TRIM33: variants seen among roughly 807,000 people sequenced by gnomAD.
TRIM33 encodes E3 ubiquitin-protein ligase TRIM33.
TRIM33 carries 20 observed loss-of-function variants against 125.4 expected under a neutral mutation model. The ratio of observed to expected loss-of-function variants is 0.16; its 90% CI spans 0.11 to 0.23. The LOEUF is 0.23. Ranked by LOEUF, TRIM33 falls within the 10% of genes least tolerant of loss-of-function variation. The pLI is 1.00. For synonymous variants in TRIM33, 564 were observed against 513.9 expected (o/e 1.10, Z -1.32); for missense variants, 920 against 1,411.4 (o/e 0.65, Z 5.58).
intron 9 of TRIM33, among the ~76,000 whole-genome samples, chr1:114,424,966 CTT>C (rs1443525791): frequency 4.3e-5 from 6 of 139,134 alleles, no homozygotes; most frequent in East Asian, 1.9e-4. Flanking sequence ...CTCTCTCTCT[CTT>C]ACCTGTTCCC....
intron 1 of TRIM33, among the ~76,000 whole-genome samples, chr1:114,497,256 C>T (rs999388712): frequency 6.6e-6 from 1 of 152,176 alleles, no homozygotes; most frequent in African/African-American, 2.4e-5. Flanking sequence ...ATGTGCGTGG[C>T]TGTGTTCAAA....
rs1651593043 is a variant in TRIM33, at chr1:114,397,372, G to A, written c.*276C>T. The A allele has an allele frequency of 1.3e-5, 6 of 453,230 alleles. No individual in the cohort carries two copies. Among genetic ancestry groups the A allele is most frequent in the Non-Finnish European group, 2.4e-5 (6 of 254,188 alleles). The allele number at this position is 453,230 out of a possible 1,614,324, so 28.1% of individuals were successfully genotyped here. On this transcript the variant is annotated 3_prime_UTR_variant, in exon 20 of 20. Coordinates refer to ENST00000358465, the MANE Select transcript of TRIM33 (RefSeq NM_015906.4). The stretch of plus-strand genomic sequence containing the variant: ...ATATTTGCCATTTCTAACAATCAGA[G>A]AATCATCTCCATTAGAACAGAAATC...
At chr1:114,422,212 G>T (rs1647246305) in intron 10 of TRIM33, among the ~76,000 whole-genome samples, 1 of 152,052 alleles carries the variant, frequency 6.6e-6, no homozygotes, top group Non-Finnish European at 1.5e-5. Context: ...AAAATCTTAA[G>T]AAAACGAATT....
In TRIM33 at chr1:114,413,599, TGAAA is replaced by T. The variant is rs1417477442; in HGVS notation, c.2062-3287_2062-3284del. On this transcript the variant is annotated intron_variant, in intron 11 of 19. Coordinates refer to ENST00000358465, the MANE Select transcript of TRIM33 (RefSeq NM_015906.4). ...GAAAAGAAAAGAAAAAGACTTTTTC[TGAAA>T]AGAAAAAGTCCAAAAGCAAAACTGT... Among the ~76,000 whole-genome samples, 20 of 69,450 alleles carry T rather than the reference TGAAA, an allele frequency of 2.9e-4. 1 individual carries two copies. Among genetic ancestry groups the T allele is most frequent in the African/African-American group, 1.5e-3 (20 of 13,736 alleles). 45.6% of individuals were successfully genotyped at this position (69,450 alleles called of 152,430 possible). A position where few individuals can be genotyped will look rare whatever the true frequency, so the allele number is the denominator to read the frequency against.
At chr1:114,421,396 C>A in intron 11 of TRIM33, 40 bp downstream of exon 11, 1 of 1,528,810 alleles carries the variant, frequency 6.5e-7, no homozygotes, top group Non-Finnish European at 9.1e-7. Context: ...CTGTAATTAA[C>A]ATTAAGTTTA....
Position 114,427,774 on chromosome 1 carries a change from T to G in TRIM33, c.1276A>C (p.Thr426Pro). 6.2e-7 allele frequency: 1 copy of G among 1,614,192 alleles called. No homozygotes were observed. Among genetic ancestry groups the G allele is most frequent in the East Asian group, 2.2e-5 (1 of 44,878 alleles). The change falls in exon 7 of 20, where the codon ACA (threonine) becomes CCA (proline). Residue 426 changes from threonine to proline, a missense_variant. Physicochemically the swap from Thr to Pro is conservative, Grantham distance 38. Around this residue, in one of 8 missense-constraint regions of TRIM33, gnomAD observed 407 missense variants for 589.7 expected, o/e 0.69. Coordinates refer to ENST00000358465, the MANE Select transcript of TRIM33 (RefSeq NM_015906.4). The part of the protein sequence containing the change: ...TNWAIASGSS[T>P]ALLYSKRLIT... ...AGTCGCTTGCTGTATAGTAGTGCTG[T>G]GCTGCTGCCACTTGCAATTGCCCAA...
rs1653275696 is a variant in TRIM33 at position 114,510,463 on chromosome 1, C to A, written c.526+88G>T. Reference sequence around the variant, plus strand: ...CTCGGGATGGCGCCCGTCCGAGCAGCCCCAGGCCCCAGCACCTCCGTCCCC... The same window carrying A: ...CTCGGGATGGCGCCCGTCCGAGCAGACCCAGGCCCCAGCACCTCCGTCCCC... On this transcript the variant is annotated intron_variant, in intron 1 of 19. Coordinates refer to ENST00000358465, the MANE Select transcript of TRIM33 (RefSeq NM_015906.4). The A allele has an allele frequency of 7.0e-6, 9 of 1,292,378 alleles. No individual in the cohort carries two copies. In the East Asian group the frequency reaches 2.3e-4, roughly 33 times the overall value. 80.1% of individuals were successfully genotyped at this position (1,292,378 alleles called of 1,614,324 possible). A position where few individuals can be genotyped will look rare whatever the true frequency, so the allele number is the denominator to read the frequency against.
chr1:114,431,434 C>T (rs1195931433), intron 5 of TRIM33, among the ~76,000 whole-genome samples: 2 of 152,162 alleles, frequency 1.3e-5, no homozygotes, highest in African/African-American at 4.8e-5. Flanking sequence ...CCTTTGTATA[C>T]AGTAAAGGGC....
At chr1:114,420,447 T>C in intron 11 of TRIM33, 3 of 1,333,574 alleles carry the variant, frequency 2.2e-6, no homozygotes, top group Non-Finnish European at 3.0e-6. Flanking sequence ...CGGAACAACG[T>C]TTGCCTGTGG....
intron 6 of TRIM33, among the ~76,000 whole-genome samples, chr1:114,429,022 G>A (rs761003130): frequency 1.3e-5 from 2 of 151,996 alleles, no homozygotes; most frequent in Admixed American, 6.6e-5. Flanking sequence ...TATTTTAGAC[G>A]TACAGCTCAA....
At chr1:114,433,879 CTT>C in intron 4 of TRIM33, 146 bp from the exon 5 acceptor site, 1 of 503,766 alleles carries the variant, frequency 2.0e-6, no homozygotes. Context: ...TCAACAGCAA[CTT>C]TTAACTGGCA....
chr1:114,466,670 T>C (rs138907226), intron 1 of TRIM33, among the ~76,000 whole-genome samples: 25 of 152,362 alleles, frequency 1.6e-4, no homozygotes, highest in Non-Finnish European at 3.2e-4. Flanking sequence ...CCCAGTGTAT[T>C]GTCCCACATT....
At chr1:114,427,337 C>A in intron 7 of TRIM33, 43 bp from the exon 8 acceptor site, 5 of 1,020,504 alleles carry the variant, frequency 4.9e-6, no homozygotes, top group South Asian at 4.6e-5. Flanking sequence ...AATTAAATAT[C>A]AATTGGGAAA....
intron 11 of TRIM33, among the ~76,000 whole-genome samples, chr1:114,412,624 C>T (rs573027096): frequency 3.9e-5 from 6 of 152,226 alleles, no homozygotes; most frequent in East Asian, 1.9e-4. Flanking sequence ...ATATACTGTA[C>T]GCTTTTTTCA....
At chr1:114,410,432 G>A in intron 11 of TRIM33, 116 bp from the exon 12 acceptor site, 1 of 1,089,158 alleles carries the variant, frequency 9.2e-7, no homozygotes, top group Non-Finnish European at 1.3e-6. Flanking sequence ...CCAATATCAA[G>A]CTGAGCCTTA....
Position 114,405,500 on chromosome 1 carries a change from C to T in TRIM33, c.2678G>A (p.Cys893Tyr). ...GCACAAGAGATCTCCTCCGTTTTGG[C>T]AGACAGCACACCAGTCTTCATTTGG... Reference protein sequence around the residue: ...DDPNEDWCAVCQNGGDLLCCE... With the variant: ...DDPNEDWCAVYQNGGDLLCCE... The change falls in exon 15 of 20, where the codon TGC becomes TAC. Residue 893 changes from cysteine (C) to tyrosine (Y), a missense_variant. This residue lies in a region of TRIM33 where 9 missense variants were observed against 56.2 expected (regional missense o/e 0.16). Transcript: ENST00000358465. 6.2e-7 allele frequency: 1 copy of T among 1,614,186 alleles called. No homozygotes were observed. Among genetic ancestry groups the T allele is most frequent in the Non-Finnish European group, 8.5e-7 (1 of 1,180,020 alleles).
Position 114,463,485 on chromosome 1 carries a change from C to T in TRIM33, c.717G>A (p.Lys239=), listed in dbSNP as rs1557880345. Residue 239 remains lysine (K), a synonymous_variant, in exon 3 of 20, where the codon AAG becomes AAA. Transcript: ENST00000358465. ...CTCTTTGATGTGCTTCGATACATGT[C>T]TTACATAGCCACTCTCCACATTCTA... The part of the protein sequence containing the change: ...FCVECGEWLC[K]TCIEAHQRVK... 1 of 1,611,894 alleles carries T rather than the reference C, an allele frequency of 6.2e-7. No homozygotes were observed. The highest frequency in any genetic ancestry group is 8.5e-7 in the Non-Finnish European group (1 of 1,178,258).
At position 114,425,438 on chromosome 1, in the gene TRIM33, A is replaced by C. The variant is rs1324161314; in HGVS notation, c.1695+11T>G. ...TAATTTCTATCAATAATGTAGTAACACGATACTTACCTGTTGTTGTAACAT... is the reference window on the plus strand; with the variant it reads ...TAATTTCTATCAATAATGTAGTAACCCGATACTTACCTGTTGTTGTAACAT... On this transcript the variant is annotated intron_variant, in intron 9 of 19. Transcript: ENST00000358465. 6.2e-7 allele frequency: 1 copy of C among 1,612,830 alleles called. No individual in the cohort carries two copies. The highest frequency in any genetic ancestry group is 8.5e-7 in the Non-Finnish European group (1 of 1,179,182).
In TRIM33 at chr1:114,425,723, CCTG is replaced by C; in HGVS notation, c.1421-3_1421-1del. On this transcript the variant is annotated splice_acceptor_variant and splice_polypyrimidine_tract_variant and intron_variant, in intron 8 of 19. Coordinates refer to ENST00000358465, the MANE Select transcript of TRIM33 (RefSeq NM_015906.4). LOFTEE classifies it high-confidence loss of function. ...TGGTTTACTCTCTATTACTAGATTA[CCTG>C]AAAAATTTAAAAAATGAGAATTTGC... 1 of 1,580,150 alleles carries C rather than the reference CCTG, an allele frequency of 6.3e-7. No individual in the cohort carries two copies. Among genetic ancestry groups the C allele is most frequent in the Admixed American group, 1.9e-5 (1 of 53,422 alleles).
Sources: allele counts gnomAD v4.1 joint callset (sites outside exome capture counted in the v4.1 genomes callset), GRCh38; gene constraint gnomAD v4.1.1; regional missense constraint gnomAD v4.1.1; transcripts MANE v1.5; gene names NCBI Gene and HGNC (gene_info 2026-07-23, HGNC 2026-07-21).